QSER1: variants seen among roughly 807,000 people sequenced by gnomAD.
QSER1 encodes the protein glutamine and serine rich 1.
Under a neutral mutation model 158.5 loss-of-function variants are expected in QSER1, and 49 were observed. That is an observed-to-expected ratio of 0.31 (90% CI 0.25 to 0.39). QSER1 has a LOEUF of 0.39. Ranked by LOEUF, QSER1 falls within the 10% of genes least tolerant of loss-of-function variation. QSER1 has a pLI of 1.00. For missense variants in QSER1, 1,754 were observed against 2,010.3 expected (o/e 0.87, Z 2.44); for synonymous variants, 650 against 715.5 (o/e 0.91, Z 1.46).
chr11:32,965,569 T>A (rs573291776), intron 8 of QSER1, among the ~76,000 whole-genome samples: 89 of 152,292 alleles, frequency 5.8e-4, no homozygotes, highest in African/African-American at 2.1e-3. Context: ...TAGCACCACC[T>A]AGCAGCAGAT....
intron 3 of QSER1, among the ~76,000 whole-genome samples, chr11:32,928,535 T>C (rs183201919): frequency 2.1e-3 from 320 of 152,336 alleles, no homozygotes; most frequent in Non-Finnish European, 3.8e-3. Flanking sequence ...ATTGGATAGA[T>C]TAAATCACTA....
intron 12 of QSER1, 183 bp downstream of exon 12, chr11:32,975,526 A>G (rs1173916578): frequency 6.9e-7 from 1 of 1,455,348 alleles, no homozygotes; most frequent in African/African-American, 1.4e-5. Context: ...TTTTGTGCTC[A>G]GATTTACCCG....
rs1254658131 is a variant in QSER1, at chr11:32,934,144, G to A, written c.2886G>A (p.Met962Ile). The change falls in exon 4 of 13, where the codon ATG (methionine) becomes ATA (isoleucine). Residue 962 changes from methionine to isoleucine, a missense_variant. Met to Ile is a conservative substitution (Grantham distance 10). This residue lies in a region of QSER1 where 1,707 missense variants were observed against 1,919.6 expected (regional missense o/e 0.89). Coordinates refer to ENST00000650167, the MANE Select transcript of QSER1 (RefSeq NM_001076786.3). ...SKNQFVSLGSMCFPEAVLLSD... is the reference protein window; with the variant it reads ...SKNQFVSLGSICFPEAVLLSD... ...ATCAGTTTGTTTCTCTTGGATCGATGTGTTTCCCAGAGGCAGTGCTTCTTA... is the reference window on the plus strand; with the variant it reads ...ATCAGTTTGTTTCTCTTGGATCGATATGTTTCCCAGAGGCAGTGCTTCTTA... The A allele has an allele frequency of 5.0e-6, 8 of 1,614,030 alleles. No homozygotes were observed. Among genetic ancestry groups the A allele is most frequent in the Non-Finnish European group, 6.8e-6 (8 of 1,179,978 alleles).
chr11:32,975,226 A>G (rs1425317315), intron 11 of QSER1, 22 bp from the exon 12 acceptor site: 9 of 1,492,200 alleles, frequency 6.0e-6, no homozygotes, highest in Non-Finnish European at 7.2e-6. Flanking sequence ...AAATGTATCT[A>G]TAAACTTTTT....
intron 1 of QSER1, chr11:32,926,068 G>A (rs1851966397): frequency 6.6e-6 from 1 of 152,036 alleles, no homozygotes; most frequent in Admixed American, 6.5e-5. Context: ...ACTCTAGCTT[G>A]GGTGACAGAG....
chr11:32,956,561 A>G (rs1852516552), intron 7 of QSER1, among the ~76,000 whole-genome samples: 1 of 152,064 alleles, frequency 6.6e-6, no homozygotes, highest in Admixed American at 6.5e-5. Context: ...TAGAATTATT[A>G]TTGTGTATTA....
chr11:32,913,794 T>A (rs1851800377), intron 1 of QSER1, among the ~76,000 whole-genome samples: 1 of 152,228 alleles, frequency 6.6e-6, no homozygotes, highest in African/African-American at 2.4e-5. Context: ...TATTTTACTG[T>A]TGAGGAAACG....
At position 32,934,792 on chromosome 11, in the gene QSER1, C is replaced by T; in HGVS notation, c.3534C>T (p.Ala1178=). The T allele has an allele frequency of 6.2e-7, 1 of 1,613,910 alleles. No homozygotes were observed. The highest frequency in any genetic ancestry group is 8.5e-7 in the Non-Finnish European group (1 of 1,179,974). ...GTGCACTTGCACTGTTGGCCATGGC[C>T]CAATCTGGGGATGCAGTCAGTGTCA... The part of the protein sequence containing the change: ...ARSALALLAM[A]QSGDAVSVKI... The change falls in exon 4 of 13, where the codon GCC becomes GCT. Residue 1178 remains alanine, a synonymous_variant. Transcript: ENST00000650167.
chr11:32,911,653 A>T (rs1050777935), intron 1 of QSER1, among the ~76,000 whole-genome samples: 3 of 152,204 alleles, frequency 2.0e-5, no homozygotes, highest in Non-Finnish European at 4.4e-5. Context: ...ACAATTTAAA[A>T]GTGGCAGTTT....
chr11:32,971,261 G>A (rs1289787732), intron 10 of QSER1, among the ~76,000 whole-genome samples: 1 of 152,098 alleles, frequency 6.6e-6, no homozygotes, highest in East Asian at 1.9e-4. Flanking sequence ...TTAAGAGTTA[G>A]ACTGATCTGA....
chr11:32,976,240 T>C (rs1852974491), intron 12 of QSER1, 94 bp from the exon 13 acceptor site: 3 of 1,081,296 alleles, frequency 2.8e-6, no homozygotes, highest in Non-Finnish European at 3.8e-6. Context: ...TCTCCATGGA[T>C]AGGATTAAGA....
chr11:32,926,399 A>C, intron 1 of QSER1, among the ~76,000 whole-genome samples: 1 of 152,218 alleles, frequency 6.6e-6, no homozygotes, highest in Admixed American at 6.5e-5. Context: ...ATGAGATGCA[A>C]CTGATGATAT....
intron 1 of QSER1, among the ~76,000 whole-genome samples, chr11:32,901,067 G>C (rs138839125): frequency 1.9e-4 from 29 of 152,332 alleles, no homozygotes; most frequent in Non-Finnish European, 3.4e-4. Flanking sequence ...GTAGTTGATA[G>C]CATAAGCTCT....
At chr11:32,936,957 A>G (rs867856221) in intron 4 of QSER1, among the ~76,000 whole-genome samples, 54 of 152,322 alleles carry the variant, frequency 3.5e-4, no homozygotes, top group African/African-American at 1.3e-3. Context: ...AGATTCAAAG[A>G]CATTACTACC....
chr11:32,945,840 T>A (rs1852322168), intron 4 of QSER1, among the ~76,000 whole-genome samples: 1 of 152,082 alleles, frequency 6.6e-6, no homozygotes, highest in African/African-American at 2.4e-5. Context: ...GTTTTCCAAC[T>A]TGGTTCCATT....
chr11:32,953,870 G>A lies in QSER1; in HGVS notation c.4191G>A (p.Val1397=). 2.5e-6 allele frequency: 4 copies of A among 1,611,128 alleles called. No individual in the cohort carries two copies. In the Admixed American group the frequency reaches 5.0e-5, roughly 20 times the overall value. The change falls in exon 5 of 13, where the codon GTG becomes GTA. Residue 1397 remains valine (V), a synonymous_variant. Transcript: ENST00000650167. ...DKKKKTEALQ[V]ATTSPTANTT... is the part of the protein sequence containing the mutation. ...GTTTTGTTTCAGAAGCCCTACAGGT[G>A]GCAACTACTAGCCCAACTGCCAATA... is the stretch of plus-strand genomic sequence containing the variant.
In QSER1 at chr11:32,926,343, T is replaced by G. The variant is rs374981285; in HGVS notation, c.210-814T>G. 5.9e-5 allele frequency among the ~76,000 whole-genome samples: 9 copies of G among 152,324 alleles called. 1 individual carries two copies. The South Asian group carries it at 1.9e-3, about 32-fold the overall frequency. ...TTATTGAATTAATGCTAAATGTGTTTAAGTCTGATAATGATATCTGGTTAT... is the reference window on the plus strand; with the variant it reads ...TTATTGAATTAATGCTAAATGTGTTGAAGTCTGATAATGATATCTGGTTAT... On this transcript the variant is annotated intron_variant, in intron 1 of 12. Transcript: ENST00000650167.
rs1219505358 is a variant in QSER1 at position 32,944,519 on chromosome 11, G to T, written c.4177+9084G>T. ...CCCAGTAGTCATTCAGGAGCAGGTT[G>T]TTCAGTTTCCATGTAGTTGAGTGGT... On this transcript the variant is annotated intron_variant, in intron 4 of 12. Coordinates refer to ENST00000650167, the MANE Select transcript of QSER1 (RefSeq NM_001076786.3). 1.4e-3 allele frequency among the ~76,000 whole-genome samples: 210 copies of T among 152,110 alleles called. 3 individuals carry two copies. The highest frequency in any genetic ancestry group is 0.014 in the Admixed American group (209 of 15,292).
intron 4 of QSER1, among the ~76,000 whole-genome samples, chr11:32,952,797 C>T (rs774884489): frequency 2.4e-4 from 36 of 149,588 alleles, no homozygotes; most frequent in Non-Finnish European, 3.3e-4. Context: ...CTATTTCTTC[C>T]CAAGTCTTTT....
Sources: allele counts gnomAD v4.1 joint callset (sites outside exome capture counted in the v4.1 genomes callset), GRCh38; gene constraint gnomAD v4.1.1; regional missense constraint gnomAD v4.1.1; transcripts MANE v1.5; gene names NCBI Gene and HGNC (gene_info 2026-07-23, HGNC 2026-07-21).